The following ZNF555 variants were observed in gnomAD, a reference collection of about 807,000 sequenced individuals.
The protein encoded by ZNF555 is zinc finger protein 555.
Under a neutral mutation model 14.0 loss-of-function variants are expected in ZNF555, and 10 were observed. The ratio of observed to expected loss-of-function variants is 0.72; its 90% confidence interval spans 0.44 to 1.21. The LOEUF is 1.21. ZNF555 is among the 50% of genes most tolerant of loss of function. ZNF555 has a pLI of 0.00. For synonymous variants in ZNF555, 277 were observed against 262.4 expected (o/e 1.06, Z -0.54); for missense variants, 747 against 762.0 (o/e 0.98, Z 0.23).
At chr19:2,849,719 C>T (rs1305739538) in intron 1 of ZNF555, among the ~76,000 whole-genome samples, 1 of 151,742 alleles carries the variant, frequency 6.6e-6, no homozygotes, top group Non-Finnish European at 1.5e-5. Context: ...AACTCCTGAC[C>T]TCAAATGATC....
intron 1 of ZNF555, among the ~76,000 whole-genome samples, chr19:2,849,751 G>C (rs541840672): frequency 1.3e-5 from 2 of 151,862 alleles, no homozygotes; most frequent in Non-Finnish European, 2.9e-5. Flanking sequence ...GCCTCCCAAA[G>C]TGCTGGGGTT....
At position 2,853,924 on chromosome 19, in the gene ZNF555, A is replaced by G; in HGVS notation, c.1859A>G (p.Lys620Arg). 1 of 1,613,848 alleles carries G rather than the reference A, an allele frequency of 6.2e-7. No individual in the cohort carries two copies. Among genetic ancestry groups the G allele is most frequent in the Non-Finnish European group, 8.5e-7 (1 of 1,180,014 alleles). ...EKSHQERDLI[K>R]VVNMVLPL Reference sequence around the variant, plus strand: ...TCACACCAGGAGAGAGATCTGATCAAAGTTGTAAATATGGTGTTGCCTTTA... The same window carrying G: ...TCACACCAGGAGAGAGATCTGATCAGAGTTGTAAATATGGTGTTGCCTTTA... Residue 620 changes from lysine (K) to arginine (R), a missense_variant, in exon 4 of 4, where the codon AAA becomes AGA. Transcript: ENST00000334241.
chr19:2,858,967 C>T lies in ZNF555; in HGVS notation c.*5015C>T, dbSNP rs1794947751. On this transcript the variant is annotated 3_prime_UTR_variant, in exon 4 of 4. Coordinates refer to ENST00000334241, the MANE Select transcript of ZNF555 (RefSeq NM_152791.5). The stretch of plus-strand genomic sequence containing the variant: ...ATCGCGCCCCAAGCTCCTCACGTGC[C>T]TCCTCCCCACAGTCCAGGACGCGTC... 1 of 152,576 alleles carries T rather than the reference C, an allele frequency of 6.6e-6. No individual in the cohort carries two copies. The highest frequency in any genetic ancestry group is 1.5e-5 in the Non-Finnish European group (1 of 68,306). 9.5% of individuals were successfully genotyped at this position (152,576 alleles called of 1,614,324 possible).
Position 2,853,580 on chromosome 19 carries a change from G to A in ZNF555, c.1515G>A (p.Glu505=). 6.2e-7 allele frequency: 1 copy of A among 1,609,664 alleles called. No homozygotes were observed. Among genetic ancestry groups the A allele is most frequent in the South Asian group, 1.1e-5 (1 of 90,538 alleles). ...AACATATGAGAAGACATACCGCAGAGAAACTCTATAAATGCAAGCAGTGTG... is the reference window on the plus strand; with the variant it reads ...AACATATGAGAAGACATACCGCAGAAAAACTCTATAAATGCAAGCAGTGTG... The part of the protein sequence containing the change: ...LQKHMRRHTA[E]KLYKCKQCGK... The change falls in exon 4 of 4, where the codon GAG becomes GAA. Residue 505 remains glutamate, a synonymous_variant. Transcript: ENST00000334241.
At chr19:2,847,336 T>C (rs1047906) in intron 1 of ZNF555, 62,322 of 151,934 alleles carry the variant, frequency 0.41, 13,216 homozygotes, top group East Asian at 0.68. Context: ...TTTCCTCTTA[T>C]AAAGACACCA....
rs35627030 is a variant in ZNF555 at position 2,852,746 on chromosome 19, C to T, written c.681C>T (p.Thr227=). The change falls in exon 4 of 4, where the codon ACC becomes ACT. Residue 227 remains threonine, a synonymous_variant. Coordinates refer to ENST00000334241, the MANE Select transcript of ZNF555 (RefSeq NM_152791.5). The part of the protein sequence containing the change: ...RHVRIHTAEK[T]YECKQCGKAF... ...TAAGGATTCACACTGCTGAGAAAAC[C>T]TACGAATGTAAGCAATGTGGGAAAG... 202,406 of 1,614,100 alleles carry T rather than the reference C, an allele frequency of 0.13. 13,825 individuals are homozygous for T. Among genetic ancestry groups the T allele is most frequent in the Non-Finnish European group, 0.14 (167,179 of 1,179,988 alleles).
At chr19:2,851,402 ACTC>A (rs1599565068) in intron 2 of ZNF555, 63 bp from the exon 3 acceptor site, 56 of 1,360,556 alleles carry the variant, frequency 4.1e-5, no homozygotes, top group East Asian at 9.6e-5. Context: ...AGATAGCTAA[ACTC>A]CTCAGTGTCG....
In ZNF555 at chr19:2,853,913, A is replaced by G. The variant is rs1263901096; in HGVS notation, c.1848A>G (p.Arg616=). The G allele has an allele frequency of 3.1e-6, 5 of 1,613,876 alleles. No homozygotes were observed. The highest frequency in any genetic ancestry group is 3.3e-5 in the Admixed American group (2 of 60,012). Residue 616 remains arginine, a synonymous_variant, in exon 4 of 4, where the codon AGA becomes AGG. Coordinates refer to ENST00000334241, the MANE Select transcript of ZNF555 (RefSeq NM_152791.5). ...CTTCAGAAAAGTCACACCAGGAGAG[A>G]GATCTGATCAAAGTTGTAAATATGG... The part of the protein sequence containing the change: ...CSASEKSHQE[R]DLIKVVNMVL...
At chr19:2,847,521 C>T (rs1054571507) in intron 1 of ZNF555, 14 of 152,108 alleles carry the variant, frequency 9.2e-5, no homozygotes, top group African/African-American at 3.4e-4. Context: ...AAATTGTATG[C>T]TATATGTATT....
In ZNF555 at chr19:2,850,634, G is replaced by A. The variant is rs1248471837; in HGVS notation, c.51G>A (p.Glu17=). The A allele has an allele frequency of 1.9e-6, 3 of 1,614,088 alleles. No individual in the cohort carries two copies. The highest frequency in any genetic ancestry group is 1.1e-5 in the South Asian group (1 of 91,086). The change falls in exon 2 of 4, where the codon GAG becomes GAA. Residue 17 remains glutamate, a synonymous_variant. Coordinates refer to ENST00000334241, the MANE Select transcript of ZNF555 (RefSeq NM_152791.5). Reference sequence around the variant, plus strand: ...TGGCTGTGGACTTCACCCTGGAGGAGTGGGCTTTGCTGGATTCTGCTCAGA... The same window carrying A: ...TGGCTGTGGACTTCACCCTGGAGGAATGGGCTTTGCTGGATTCTGCTCAGA... ...EDVAVDFTLE[E]WALLDSAQRD...
At chr19:2,850,827 G>A in intron 2 of ZNF555, 114 bp downstream of exon 2, 3 of 1,302,394 alleles carry the variant, frequency 2.3e-6, no homozygotes, top group Non-Finnish European at 3.2e-6. Context: ...TGGTAAATAA[G>A]ACAGACATAG....
intron 1 of ZNF555, among the ~76,000 whole-genome samples, chr19:2,844,259 C>G (rs1252959333): frequency 6.6e-6 from 1 of 152,100 alleles, no homozygotes; most frequent in African/African-American, 2.4e-5. Flanking sequence ...TCCGCCACCA[C>G]GCCCAGCTAA....
In ZNF555 at chr19:2,852,847, G is replaced by A; in HGVS notation, c.782G>A (p.Cys261Tyr). The stretch of plus-strand genomic sequence containing the variant: ...GAGAAGCCATATAAGTGTAAGGAAT[G>A]TGGGAAAGCTTTCAGTTATTCCTCA... ...TGEKPYKCKE[C>Y]GKAFSYSSTF... The change falls in exon 4 of 4, where the codon TGT (cysteine) becomes TAT (tyrosine). Residue 261 changes from cysteine to tyrosine, a missense_variant. Cys to Tyr is a radical substitution (Grantham distance 194, BLOSUM62 -2). Coordinates refer to ENST00000334241, the MANE Select transcript of ZNF555 (RefSeq NM_152791.5). 1.2e-6 allele frequency: 2 copies of A among 1,614,224 alleles called. No individual in the cohort carries two copies. Among genetic ancestry groups the A allele is most frequent in the Non-Finnish European group, 1.7e-6 (2 of 1,180,046 alleles).
Position 2,853,938 on chromosome 19 carries a change from G to C in ZNF555, c.1873G>C (p.Val625Leu). 1 of 1,613,658 alleles carries C rather than the reference G, an allele frequency of 6.2e-7. No individual in the cohort carries two copies. The highest frequency in any genetic ancestry group is 1.3e-5 in the African/African-American group (1 of 75,054). ...ERDLIKVVNM[V>L]LPL The stretch of plus-strand genomic sequence containing the variant: ...AGATCTGATCAAAGTTGTAAATATG[G>C]TGTTGCCTTTATGAGTTCCTTATCC... The change falls in exon 4 of 4, where the codon GTG (valine) becomes CTG (leucine). Residue 625 changes from valine (V) to leucine (L), a missense_variant. Physicochemically the swap from Val to Leu is conservative, Grantham distance 32 (BLOSUM62 1). Transcript: ENST00000334241.
Position 2,853,197 on chromosome 19 carries a change from A to C in ZNF555, c.1132A>C (p.Ile378Leu). 6.2e-7 allele frequency: 1 copy of C among 1,614,186 alleles called. No individual in the cohort carries two copies. Among genetic ancestry groups the C allele is most frequent in the South Asian group, 1.1e-5 (1 of 91,072 alleles). ...YECKQCGKTFIYPQSFRRHER... is the reference protein window; with the variant it reads ...YECKQCGKTFLYPQSFRRHER... ...ATGCAAACAGTGTGGGAAGACCTTC[A>C]TTTATCCCCAGTCCTTTCGAAGACA... Residue 378 changes from isoleucine (I) to leucine (L), a missense_variant, in exon 4 of 4, where the codon ATT becomes CTT. Transcript: ENST00000334241.
rs183116863 is a variant in ZNF555 at position 2,853,216 on chromosome 19, G to A, written c.1151G>A (p.Arg384Gln). The change falls in exon 4 of 4, where the codon CGA (arginine) becomes CAA (glutamine). Residue 384 changes from arginine (R) to glutamine (Q), a missense_variant. By Grantham distance (43) the Arg-to-Gln change is conservative. Transcript: ENST00000334241. ...GKTFIYPQSF[R>Q]RHERTHGGEK... is the part of the protein sequence containing the mutation. ...ACCTTCATTTATCCCCAGTCCTTTC[G>A]AAGACATGAAAGGACTCATGGTGGA... 12 of 1,614,074 alleles carry A rather than the reference G, an allele frequency of 7.4e-6. No individual in the cohort carries two copies. Among genetic ancestry groups the A allele is most frequent in the South Asian group, 5.5e-5 (5 of 91,064 alleles).
chr19:2,847,830 G>A (rs558136277), intron 1 of ZNF555, among the ~76,000 whole-genome samples: 14 of 152,254 alleles, frequency 9.2e-5, no homozygotes, highest in East Asian at 5.8e-4. Context: ...ACAAGAAACC[G>A]CTGGCAGTTC....
intron 1 of ZNF555, among the ~76,000 whole-genome samples, chr19:2,842,879 C>T (rs2087549906): frequency 6.6e-6 from 1 of 152,120 alleles, no homozygotes; most frequent in Non-Finnish European, 1.5e-5. Context: ...CCCGTCTCTG[C>T]TAGAAATACA....
rs1214442279 is a variant in ZNF555 at position 2,857,740 on chromosome 19, A to T, written c.*3788A>T. The T allele has an allele frequency of 1.3e-5, 2 of 152,288 alleles. No individual in the cohort carries two copies. The highest frequency in any genetic ancestry group is 2.9e-5 in the Non-Finnish European group (2 of 68,092). The allele number at this position is 152,288 out of a possible 1,614,324, so 9.4% of individuals were successfully genotyped here. A position where few individuals can be genotyped will look rare whatever the true frequency, so the allele number is the denominator to read the frequency against. On this transcript the variant is annotated 3_prime_UTR_variant, in exon 4 of 4. Coordinates refer to ENST00000334241, the MANE Select transcript of ZNF555 (RefSeq NM_152791.5). Reference sequence around the variant, plus strand: ...TGCCTATAATCCCAGCACTTTGGGAAGCTGAGGCGGGAGGATTGCTTGTGG... The same window carrying T: ...TGCCTATAATCCCAGCACTTTGGGATGCTGAGGCGGGAGGATTGCTTGTGG...
Sources: gnomAD v4.1 joint callset for allele counts (sites outside exome capture counted in the v4.1 genomes callset) on GRCh38, gnomAD v4.1.1 for gene constraint, MANE v1.5 for transcripts, NCBI Gene and HGNC (gene_info 2026-07-23, HGNC 2026-07-21) for gene names.